Variants in SAMD5 observed in about 807,000 individuals in gnomAD.
SAMD5 encodes sterile alpha motif domain containing 5.
In SAMD5, 13 loss-of-function variants were observed where a neutral mutation model predicts 11.3. The observed-to-expected ratio is 1.15, with a 90% CI of 0.75 to 1.83. SAMD5 has a LOEUF of 1.83. Among genes scored for constraint, SAMD5 ranks in the 40% most tolerant of loss-of-function variants. The pLI, the probability that SAMD5 is intolerant of heterozygous loss-of-function variation, is 0.00. For missense variants in SAMD5, 255 were observed against 239.1 expected (o/e 1.07, Z -0.44); for synonymous variants, 129 against 111.3 (o/e 1.16, Z -1.00).
the SAMD5 span, among the ~76,000 whole-genome samples, chr6:147,938,725 G>A: frequency 1.8e-4 from 28 of 152,326 alleles, no homozygotes; most frequent in Non-Finnish European, 3.4e-4. Flanking sequence ...TAAAGTGCTA[G>A]CGTATCAGAG....
At chr6:147,876,129 C>G in the SAMD5 span, among the ~76,000 whole-genome samples, 1 of 152,196 alleles carries the variant, frequency 6.6e-6, no homozygotes, top group Admixed American at 6.5e-5. Context: ...ATCCCTATGC[C>G]TGGCTGAAAG....
At chr6:147,862,301 G>A in the SAMD5 span, among the ~76,000 whole-genome samples, 2 of 152,114 alleles carry the variant, frequency 1.3e-5, no homozygotes, top group South Asian at 2.1e-4. Context: ...CTTAACTCAT[G>A]CTGCTGTTCC....
chr6:147,818,563 A>G, the SAMD5 span, among the ~76,000 whole-genome samples: 5 of 152,326 alleles, frequency 3.3e-5, no homozygotes, highest in South Asian at 4.1e-4. Flanking sequence ...ACAAATGCCA[A>G]TGTGTTAACC....
the SAMD5 span, among the ~76,000 whole-genome samples, chr6:147,922,208 C>G: frequency 6.6e-6 from 1 of 152,130 alleles, no homozygotes; most frequent in African/African-American, 2.4e-5. Context: ...GTCTCTTCAT[C>G]TTGCTGCTTC....
chr6:147,877,919 C>CTAGA, the SAMD5 span, among the ~76,000 whole-genome samples: 980 of 106,426 alleles, frequency 9.2e-3, 37 homozygotes, highest in South Asian at 0.054. Context: ...AGCTAGCTAG[C>CTAGA]TAGCTAGATA....
downstream of SAMD5, among the ~76,000 whole-genome samples, chr6:147,573,939 G>A (rs1789175827): frequency 6.6e-6 from 1 of 151,854 alleles, no homozygotes; most frequent in African/African-American, 2.4e-5. Context: ...CCTGGCCAAC[G>A]TGGTGAAACC....
chr6:147,865,995 C>T, the SAMD5 span, among the ~76,000 whole-genome samples: 1 of 152,252 alleles, frequency 6.6e-6, no homozygotes, highest in South Asian at 2.1e-4. Flanking sequence ...GATTAAAATA[C>T]ACACTTGAAA....
chr6:147,818,485 A>G, the SAMD5 span, among the ~76,000 whole-genome samples: 2 of 152,240 alleles, frequency 1.3e-5, no homozygotes, highest in Non-Finnish European at 2.9e-5. Flanking sequence ...AAAGAACACA[A>G]TTTTAGTGTG....
chr6:147,746,412 C>T, the SAMD5 span, among the ~76,000 whole-genome samples: 1 of 152,154 alleles, frequency 6.6e-6, no homozygotes. Flanking sequence ...GTTGATTGCA[C>T]ACACTCATGC....
chr6:147,885,639 TG>T, the SAMD5 span, among the ~76,000 whole-genome samples: 9 of 152,060 alleles, frequency 5.9e-5, no homozygotes, highest in African/African-American at 2.2e-4. Flanking sequence ...AAAAAGAGAC[TG>T]TAAAAAAGCA....
Position 147,564,971 on chromosome 6 carries a change from C to G in SAMD5, c.*515C>G, listed in dbSNP as rs7772025. The G allele has an allele frequency of 0.097, 78,452 of 807,726 alleles. 5,229 individuals carry two copies. Among genetic ancestry groups the G allele is most frequent in the East Asian group, 0.31 (2,405 of 7,810 alleles). 50.0% of individuals were successfully genotyped at this position (807,726 alleles called of 1,614,324 possible). A position where few individuals can be genotyped will look rare whatever the true frequency, so the allele number is the denominator to read the frequency against. On this transcript the variant is annotated 3_prime_UTR_variant, in exon 2 of 2. Transcript: ENST00000367474. ...TTTTTATAAGATAAGATACATAATT[C>G]TATGTAGAATAGTTTGGTGAAGGAA...
the SAMD5 span, among the ~76,000 whole-genome samples, chr6:147,936,264 C>T: frequency 3.9e-3 from 590 of 152,220 alleles, 2 homozygotes; most frequent in African/African-American, 0.013. Flanking sequence ...TAAATAAATA[C>T]CTGTGACTGA....
At chr6:147,595,131 G>A (rs1347115420) in intron 1 of SAMD5, among the ~76,000 whole-genome samples, 6 of 152,152 alleles carry the variant, frequency 3.9e-5, no homozygotes, top group South Asian at 2.1e-4. Context: ...AAAATATAAC[G>A]TCTTGAGAGT....
At chr6:147,641,567 ATT>A (rs35496907) in intron 1 of SAMD5, among the ~76,000 whole-genome samples, 23 of 139,784 alleles carry the variant, frequency 1.6e-4, no homozygotes, top group African/African-American at 1.6e-4. Flanking sequence ...TCTGTCTTTA[ATT>A]TTTTTTTTTT....
chr6:147,754,697 C>G, the SAMD5 span, among the ~76,000 whole-genome samples: 1 of 152,066 alleles, frequency 6.6e-6, no homozygotes, highest in Non-Finnish European at 1.5e-5. Context: ...AGTGTGAAGT[C>G]TTAGATTTAA....
chr6:147,509,197 TC>T lies in SAMD5; in HGVS notation c.273del (p.Thr92ProfsTer32). 1 of 1,295,118 alleles carries T rather than the reference TC, an allele frequency of 7.7e-7. No individual in the cohort carries two copies. The highest frequency in any genetic ancestry group is 9.8e-7 in the Non-Finnish European group (1 of 1,023,578). 80.2% of individuals were successfully genotyped at this position (1,295,118 alleles called of 1,614,324 possible). A position where few individuals can be genotyped will look rare whatever the true frequency, so the allele number is the denominator to read the frequency against. On this transcript the variant is annotated frameshift_variant, in exon 1 of 2. Transcript: ENST00000367474. LOFTEE classifies it high-confidence loss of function. ...CCCCCCGGGCCGCCCGCCGACGCCGTCCCCACCGGCCGCCGGGGGGAGCCGT... is the reference window on the plus strand; with the variant it reads ...CCCCCCGGGCCGCCCGCCGACGCCGTCCCACCGGCCGCCGGGGGGAGCCGT... ...PAPPGPPADA[V>X]PTGRRGEPCG...
At chr6:147,842,006 T>C in the SAMD5 span, among the ~76,000 whole-genome samples, 1 of 152,174 alleles carries the variant, frequency 6.6e-6, no homozygotes, top group Non-Finnish European at 1.5e-5. Context: ...AACCCATAAC[T>C]AAAATGCTGT....
chr6:147,521,759 C>A (rs1788258559), intron 1 of SAMD5, among the ~76,000 whole-genome samples: 1 of 152,070 alleles, frequency 6.6e-6, no homozygotes, highest in African/African-American at 2.4e-5. Flanking sequence ...AAGTGGTTCT[C>A]AATGTGAAGA....
At chr6:147,713,936 T>A (rs1424844487) in intron 1 of SAMD5, among the ~76,000 whole-genome samples, 1 of 152,166 alleles carries the variant, frequency 6.6e-6, no homozygotes, top group Non-Finnish European at 1.5e-5. Context: ...TGAAGAAATA[T>A]GTATTGAGAT....
Sources: allele counts gnomAD v4.1 joint callset (sites outside exome capture counted in the v4.1 genomes callset), GRCh38; gene constraint gnomAD v4.1.1; transcripts MANE v1.5; gene names NCBI Gene and HGNC (gene_info 2026-07-23, HGNC 2026-07-21).